Variants in PXK observed in about 807,000 individuals in gnomAD.
PXK encodes PX domain-containing protein kinase-like protein.
Under a neutral mutation model 84.7 loss-of-function variants are expected in PXK, and 35 were observed. The observed-to-expected ratio is 0.41, with a 90% CI of 0.32 to 0.55. PXK has a LOEUF of 0.55. Ranked by LOEUF, PXK falls within the 20% of genes least tolerant of loss-of-function variation. The pLI, the probability that PXK is intolerant of heterozygous loss-of-function variation, is 0.21. For missense variants in PXK, 634 were observed against 699.7 expected, an observed-to-expected ratio of 0.91 and a Z score of 1.06; for synonymous variants, 253 against 260.8, an observed-to-expected ratio of 0.97 and a Z score of 0.29.
chr3:58,391,181 G>A lies in PXK; in HGVS notation c.501G>A (p.Lys167=). 1 of 1,613,752 alleles carries A rather than the reference G, an allele frequency of 6.2e-7. No homozygotes were observed. The highest frequency in any genetic ancestry group is 8.5e-7 in the Non-Finnish European group (1 of 1,179,784). ...TAAGGAAGAAATATTTCTTGATGAA[G>A]ATTAAAAATCAGCCAAAGGAACGGC... ...WRIRKKYFLM[K]IKNQPKERLV... Residue 167 remains lysine (K), a synonymous_variant, in exon 6 of 18, where the codon AAG becomes AAA. Transcript: ENST00000356151.
At chr3:58,420,322 C>T (rs1457850902) in intron 17 of PXK, among the ~76,000 whole-genome samples, 1 of 152,212 alleles carries the variant, frequency 6.6e-6, no homozygotes, top group African/African-American at 2.4e-5. Flanking sequence ...ATTGGTTATT[C>T]TATAAATACG....
chr3:58,362,008 G>A (rs539369951), intron 1 of PXK, among the ~76,000 whole-genome samples: 2 of 152,232 alleles, frequency 1.3e-5, no homozygotes, highest in South Asian at 2.1e-4. Flanking sequence ...AGGATTTGGT[G>A]TTATTACTGT....
intron 7 of PXK, among the ~76,000 whole-genome samples, chr3:58,394,578 TC>T (rs1280438516): frequency 1.3e-5 from 2 of 152,218 alleles, no homozygotes; most frequent in Non-Finnish European, 2.9e-5. Context: ...GACACATTGA[TC>T]CTGGTCTCCA....
At chr3:58,417,653 G>A (rs2061194039) in intron 17 of PXK, among the ~76,000 whole-genome samples, 1 of 152,144 alleles carries the variant, frequency 6.6e-6, no homozygotes, top group South Asian at 2.1e-4. Flanking sequence ...TCTGCAAAAG[G>A]TTGTTTTCTG....
Position 58,412,679 on chromosome 3 carries a change from A to G in PXK, c.1466-222A>G, listed in dbSNP as rs1439875695. Among the ~76,000 whole-genome samples, 1 of 152,176 alleles carries G rather than the reference A, an allele frequency of 6.6e-6. No individual in the cohort carries two copies. Among genetic ancestry groups the G allele is most frequent in the African/African-American group, 2.4e-5 (1 of 41,456 alleles). Reference sequence around the variant, plus strand: ...CAGGCCATGGGGAGCAGTGGGAGGCAAGGAGCTTTTAGTGGCTTGGGGAAG... The same window carrying G: ...CAGGCCATGGGGAGCAGTGGGAGGCGAGGAGCTTTTAGTGGCTTGGGGAAG... On this transcript the variant is annotated intron_variant, in intron 16 of 17. Coordinates refer to ENST00000356151, the MANE Select transcript of PXK (RefSeq NM_017771.5). This position sits in a 1 kb window ranked among gnomAD's most constrained non-coding sequence, Gnocchi z 6.2.
chr3:58,344,802 TG>T, intron 1 of PXK, among the ~76,000 whole-genome samples: 1 of 152,288 alleles, frequency 6.6e-6, no homozygotes, highest in Non-Finnish European at 1.5e-5. Flanking sequence ...CACTCCAGCC[TG>T]GGCAACAAGA....
At chr3:58,372,021 A>G (rs1012342778) in intron 3 of PXK, among the ~76,000 whole-genome samples, 1 of 152,256 alleles carries the variant, frequency 6.6e-6, no homozygotes, top group Non-Finnish European at 1.5e-5. Flanking sequence ...TGCTGAAGAA[A>G]GAGAAATATA....
chr3:58,368,234 A>T (rs1177257280), intron 2 of PXK, among the ~76,000 whole-genome samples: 1 of 152,176 alleles, frequency 6.6e-6, no homozygotes, highest in African/African-American at 2.4e-5. Flanking sequence ...GAAGGGAGAG[A>T]GCAACCTCTA....
At chr3:58,378,065 G>T (rs949850293) in intron 3 of PXK, among the ~76,000 whole-genome samples, 1 of 152,112 alleles carries the variant, frequency 6.6e-6, no homozygotes, top group Non-Finnish European at 1.5e-5. Context: ...GCAAAAAACC[G>T]TAAGTTTATT....
intron 1 of PXK, among the ~76,000 whole-genome samples, chr3:58,357,529 A>G (rs376856531): frequency 6.6e-5 from 10 of 152,342 alleles, no homozygotes; most frequent in African/African-American, 2.4e-4. Flanking sequence ...AAATAACTAT[A>G]AAAAGCAGTA....
Position 58,412,179 on chromosome 3 carries a change from G to A in PXK, c.1466-722G>A, listed in dbSNP as rs371453157. Among the ~76,000 whole-genome samples the A allele has an allele frequency of 6.6e-6, 1 of 152,090 alleles. No homozygotes were observed. The highest frequency in any genetic ancestry group is 1.9e-4 in the East Asian group (1 of 5,192). On this transcript the variant is annotated intron_variant, in intron 16 of 17. Transcript: ENST00000356151. This position sits in a 1 kb window ranked among gnomAD's most constrained non-coding sequence, Gnocchi z 6.2. ...TTTCTGTGTCCACAGAAAGGCTTAC[G>A]TAGGAACCTCTGCTCATTGGGCTAC...
chr3:58,355,534 C>T (rs1304824977), intron 1 of PXK, among the ~76,000 whole-genome samples: 2 of 152,202 alleles, frequency 1.3e-5, no homozygotes, highest in African/African-American at 2.4e-5. Flanking sequence ...GTTCAAAATA[C>T]GTTTTCCTAC....
rs1328827180 is a variant in PXK, at chr3:58,390,915, C to G, written c.467-232C>G. Among the ~76,000 whole-genome samples the G allele has an allele frequency of 2.0e-5, 3 of 152,194 alleles. No individual in the cohort carries two copies. The highest frequency in any genetic ancestry group is 7.2e-5 in the African/African-American group (3 of 41,444). On this transcript the variant is annotated intron_variant, in intron 5 of 17. Coordinates refer to ENST00000356151, the MANE Select transcript of PXK (RefSeq NM_017771.5). This position sits in a 1 kb window ranked among gnomAD's most constrained non-coding sequence, Gnocchi z 4.2. ...TCTTCATCTATCTTTTTCACTACAT[C>G]TAAACTGAAGTGCTACTTTCCTGCC...
chr3:58,345,156 C>A (rs1010624554), intron 1 of PXK, among the ~76,000 whole-genome samples: 6 of 152,134 alleles, frequency 3.9e-5, no homozygotes, highest in Non-Finnish European at 7.3e-5. Context: ...ACTAAAGGGC[C>A]CCTCTGCCTG....
chr3:58,338,581 C>T (rs947656398), intron 1 of PXK, among the ~76,000 whole-genome samples: 5 of 151,908 alleles, frequency 3.3e-5, no homozygotes, highest in African/African-American at 1.2e-4. Flanking sequence ...CAAGATTGTG[C>T]CATTGCACTC....
At chr3:58,351,736 G>C (rs1245986195) in intron 1 of PXK, among the ~76,000 whole-genome samples, 2 of 152,098 alleles carry the variant, frequency 1.3e-5, no homozygotes, top group Non-Finnish European at 2.9e-5. Flanking sequence ...GACAACAGAG[G>C]CTGGAGTCAT....
intron 1 of PXK, among the ~76,000 whole-genome samples, chr3:58,349,408 T>C (rs186303953): frequency 2.4e-3 from 350 of 148,012 alleles, no homozygotes; most frequent in African/African-American, 8.3e-3. Context: ...CAGGCTGGAG[T>C]GCAGTGATGT....
rs1340777352 is a variant in PXK, at chr3:58,369,420, GT to G, written c.154-10del. 3 of 1,600,340 alleles carry G rather than the reference GT, an allele frequency of 1.9e-6. No individual in the cohort carries two copies. In the East Asian group the frequency reaches 6.7e-5, roughly 36 times the overall value. Reference sequence around the variant, plus strand: ...TTGCTGAATCAAAACACTACTTCTTGTCTCTTACAGATTGTTAGAAGATACA... The same window carrying G: ...TTGCTGAATCAAAACACTACTTCTTGCTCTTACAGATTGTTAGAAGATACA... On this transcript the variant is annotated splice_polypyrimidine_tract_variant and intron_variant, in intron 2 of 17. Transcript: ENST00000356151.
chr3:58,365,933 C>CTTTTTTT lies in PXK; in HGVS notation c.153+18_153+24dup. The CTTTTTTT allele has an allele frequency of 2.2e-6, 3 of 1,394,014 alleles. No homozygotes were observed. The highest frequency in any genetic ancestry group is 1.6e-5 in the African/African-American group (1 of 64,110). The allele number at this position is 1,394,014 out of a possible 1,614,324, so 86.4% of individuals were successfully genotyped here. A position where few individuals can be genotyped will look rare whatever the true frequency, so the allele number is the denominator to read the frequency against. Reference sequence around the variant, plus strand: ...TGGAAAACAGCTGGCAGGTAAGCATCTTTTTTTTTTTTTTTGTCAATTAGA... The same window carrying CTTTTTTT: ...TGGAAAACAGCTGGCAGGTAAGCATCTTTTTTTTTTTTTTTTTTTTTTGTCAATTAGA... On this transcript the variant is annotated intron_variant, in intron 2 of 17. Coordinates refer to ENST00000356151, the MANE Select transcript of PXK (RefSeq NM_017771.5).
Sources: gnomAD v4.1 joint callset for allele counts (sites outside exome capture counted in the v4.1 genomes callset) on GRCh38, gnomAD v4.1.1 for gene constraint, Gnocchi (gnomAD v3.1) non-coding constraint, MANE v1.5 for transcripts, NCBI Gene and HGNC (gene_info 2026-07-23, HGNC 2026-07-21) for gene names.